The following SMYD1 variants were observed in gnomAD, a reference collection of about 807,000 sequenced individuals.
The protein encoded by SMYD1 is SET and MYND domain containing 1.
A neutral mutation model predicts 54.0 loss-of-function variants in SMYD1; 49 were observed. That is an observed-to-expected ratio of 0.91 (90% CI 0.72 to 1.15). The LOEUF (loss-of-function observed/expected upper bound fraction) is 1.15. Among genes scored for constraint, SMYD1 ranks in the 50% most tolerant of loss-of-function variants. The pLI is 0.00. For synonymous variants in SMYD1, 269 were observed against 234.2 expected (o/e 1.15, Z -1.36); for missense variants, 653 against 639.6 (o/e 1.02, Z -0.23).
chr2:88,106,255 T>G (rs13382418), intron 7 of SMYD1, 70 bp from the exon 8 acceptor site: 5 of 1,564,420 alleles, frequency 3.2e-6, no homozygotes, highest in Non-Finnish European at 4.4e-6. Context: ...ATCACCATGA[T>G]GGTCGCGTAT....
intron 1 of SMYD1, among the ~76,000 whole-genome samples, chr2:88,071,411 C>T (rs187500952): frequency 1.3e-5 from 2 of 152,124 alleles, no homozygotes; most frequent in South Asian, 2.1e-4. Context: ...AAATTATGGT[C>T]CTTAGTCTGG....
At chr2:88,091,243 C>G (rs1359652063) in intron 4 of SMYD1, 101 bp downstream of exon 4, 2 of 1,310,668 alleles carry the variant, frequency 1.5e-6, no homozygotes, top group Non-Finnish European at 2.1e-6. Flanking sequence ...TAAACCTGAA[C>G]TAGCATAAAT....
chr2:88,102,781 G>A (rs1441687091), intron 6 of SMYD1, among the ~76,000 whole-genome samples: 1 of 152,214 alleles, frequency 6.6e-6, no homozygotes, highest in Non-Finnish European at 1.5e-5. Context: ...GTCAGGTTCT[G>A]CCCTGGGGTT....
intron 6 of SMYD1, among the ~76,000 whole-genome samples, chr2:88,100,058 T>C (rs1478403968): frequency 2.1e-5 from 3 of 144,520 alleles, no homozygotes; most frequent in Non-Finnish European, 4.5e-5. Context: ...CTCTGGCTCC[T>C]CCCCCCCTCT....
intron 2 of SMYD1, among the ~76,000 whole-genome samples, chr2:88,085,605 A>C (rs573967440): frequency 8.5e-5 from 13 of 152,310 alleles, no homozygotes; most frequent in African/African-American, 3.1e-4. Flanking sequence ...GAAACACTAC[A>C]TATCCTTCAA....
At chr2:88,073,730 CA>C (rs1236672756) in intron 1 of SMYD1, among the ~76,000 whole-genome samples, 1 of 152,190 alleles carries the variant, frequency 6.6e-6, no homozygotes, top group African/African-American at 2.4e-5. Context: ...CTCCTCATCC[CA>C]ATACTGGCCA....
chr2:88,071,841 C>A (rs1187278674), intron 1 of SMYD1, among the ~76,000 whole-genome samples: 1 of 152,010 alleles, frequency 6.6e-6, no homozygotes, highest in Non-Finnish European at 1.5e-5. Flanking sequence ...CTGAGAGTTT[C>A]CAGTTCTCAG....
intron 6 of SMYD1, among the ~76,000 whole-genome samples, chr2:88,099,172 G>A (rs1674666234): frequency 6.6e-6 from 1 of 151,896 alleles, no homozygotes; most frequent in South Asian, 2.1e-4. Flanking sequence ...CTGCAGCCTC[G>A]ACTTTCTGGG....
At position 88,084,434 on chromosome 2, in the gene SMYD1, C is replaced by G. The variant is rs1346607788; in HGVS notation, c.256C>G (p.His86Asp). Residue 86 changes from histidine (H) to aspartate (D), a missense_variant, in exon 2 of 10, where the codon CAC becomes GAC. Coordinates refer to ENST00000419482, the MANE Select transcript of SMYD1 (RefSeq NM_198274.4). ...RTCQKDAWLN[H>D]KNECSAIKRY... ...CTGCCAGAAGGATGCTTGGCTGAACCACAAGAATGAATGTTCGGCCATCAA... is the reference window on the plus strand; with the variant it reads ...CTGCCAGAAGGATGCTTGGCTGAACGACAAGAATGAATGTTCGGCCATCAA... The G allele has an allele frequency of 6.2e-7, 1 of 1,606,814 alleles. No homozygotes were observed. Among genetic ancestry groups the G allele is most frequent in the Non-Finnish European group, 8.5e-7 (1 of 1,174,110 alleles).
At chr2:88,078,292 G>A (rs1310520174) in intron 1 of SMYD1, among the ~76,000 whole-genome samples, 5 of 152,178 alleles carry the variant, frequency 3.3e-5, no homozygotes, top group Admixed American at 3.3e-4. Flanking sequence ...CTATGAGAGT[G>A]GTGAGATTTC....
chr2:88,102,927 G>A (rs1674753687), intron 6 of SMYD1, 131 bp from the exon 7 acceptor site: 8 of 666,554 alleles, frequency 1.2e-5, no homozygotes, highest in Non-Finnish European at 2.1e-5. Flanking sequence ...AGCATTTACA[G>A]GAATGAGGCA....
chr2:88,071,638 T>C (rs1324145754), intron 1 of SMYD1, among the ~76,000 whole-genome samples: 4 of 152,172 alleles, frequency 2.6e-5, no homozygotes, highest in Admixed American at 1.3e-4. Context: ...CTACTACCAA[T>C]CAATGAGAAC....
chr2:88,076,583 A>G (rs1674071040), intron 1 of SMYD1, among the ~76,000 whole-genome samples: 1 of 152,192 alleles, frequency 6.6e-6, no homozygotes, highest in Non-Finnish European at 1.5e-5. Context: ...ATTCTCAATA[A>G]ATACTTGCAG....
intron 1 of SMYD1, among the ~76,000 whole-genome samples, chr2:88,071,416 G>T (rs1483061739): frequency 6.6e-6 from 1 of 152,176 alleles, no homozygotes; most frequent in African/African-American, 2.4e-5. Context: ...ATGGTCCTTA[G>T]TCTGGTTAGG....
At position 88,108,520 on chromosome 2, in the gene SMYD1, C is replaced by G; in HGVS notation, c.1295C>G (p.Pro432Arg). 6.3e-7 allele frequency: 1 copy of G among 1,598,602 alleles called. No individual in the cohort carries two copies. The highest frequency in any genetic ancestry group is 8.5e-7 in the Non-Finnish European group (1 of 1,173,010). Reference sequence around the variant, plus strand: ...CTGGTGACACACGGACCCTCCCACCCCATCACTAAGGACTTAGAGGCAAGT... The same window carrying G: ...CTGGTGACACACGGACCCTCCCACCGCATCACTAAGGACTTAGAGGCAAGT... ...ILLVTHGPSH[P>R]ITKDLEAMRV... Residue 432 changes from proline (P) to arginine (R), a missense_variant, in exon 9 of 10, where the codon CCC becomes CGC. Physicochemically the swap from Pro to Arg is moderately radical, Grantham distance 103. Transcript: ENST00000419482.
Position 88,106,392 on chromosome 2 carries a change from T to G in SMYD1, c.1049T>G (p.Met350Arg). The change falls in exon 8 of 10, where the codon ATG (methionine) becomes AGG (arginine). Residue 350 changes from methionine (M) to arginine (R), a missense_variant. Physicochemically the swap from Met to Arg is moderately conservative, Grantham distance 91. Transcript: ENST00000419482. ...GTGTTTGCTGACACCAACATCTACA[T>G]GCTGCGGATGCTGAGCATTGTTTCG... ...EPVFADTNIY[M>R]LRMLSIVSEV... 1 of 1,614,190 alleles carries G rather than the reference T, an allele frequency of 6.2e-7. No individual in the cohort carries two copies. The highest frequency in any genetic ancestry group is 8.5e-7 in the Non-Finnish European group (1 of 1,180,026).
chr2:88,073,864 T>G (rs1380524345), intron 1 of SMYD1, among the ~76,000 whole-genome samples: 8 of 152,244 alleles, frequency 5.3e-5, no homozygotes, highest in African/African-American at 1.9e-4. Context: ...ATTTGTTCTT[T>G]TATGAATTGT....
At chr2:88,068,733 T>C (rs1673886068) in intron 1 of SMYD1, among the ~76,000 whole-genome samples, 1 of 152,232 alleles carries the variant, frequency 6.6e-6, no homozygotes, top group East Asian at 1.9e-4. Flanking sequence ...CTATAGATAC[T>C]TCTTTTAAAT....
chr2:88,074,916 T>C (rs1160848012), intron 1 of SMYD1, among the ~76,000 whole-genome samples: 1 of 152,232 alleles, frequency 6.6e-6, no homozygotes, highest in Non-Finnish European at 1.5e-5. Context: ...CATGTGGGAA[T>C]GGCAGGATCA....
Sources: allele counts gnomAD v4.1 joint callset (sites outside exome capture counted in the v4.1 genomes callset), GRCh38; gene constraint gnomAD v4.1.1; transcripts MANE v1.5; gene names NCBI Gene and HGNC (gene_info 2026-07-23, HGNC 2026-07-21).